The following ITGAE variants were observed in gnomAD, a reference collection of about 807,000 sequenced individuals.
The protein encoded by ITGAE is integrin alpha-E.
Under a neutral mutation model 136.5 loss-of-function variants are expected in ITGAE, and 99 were observed. That is an observed-to-expected ratio of 0.73 (90% CI 0.62 to 0.86). ITGAE has a LOEUF of 0.86. Among genes scored for constraint, ITGAE ranks in the 40% least tolerant of loss-of-function variants. The probability of loss-of-function intolerance (pLI) is 0.00; values close to 1 mark genes in which losing one functional copy is unlikely to be tolerated. For synonymous variants in ITGAE, 613 were observed against 591.8 expected, an observed-to-expected ratio of 1.04 and a Z score of -0.52; for missense variants, 1,447 against 1,515.3, an observed-to-expected ratio of 0.95 and a Z score of 0.75.
intron 1 of ITGAE, 121 bp downstream of exon 1, chr17:3,800,990 C>A (rs2053245316): frequency 8.4e-7 from 1 of 1,193,386 alleles, no homozygotes; most frequent in East Asian, 2.4e-5. Context: ...AGCTGCCACT[C>A]TCTAACCTCT....
At chr17:3,727,739 G>A (rs2051247541) in intron 26 of ITGAE, among the ~76,000 whole-genome samples, 180 bp downstream of exon 26, 1 of 152,092 alleles carries the variant, frequency 6.6e-6, no homozygotes, top group African/African-American at 2.4e-5. Flanking sequence ...AAAACTGACA[G>A]GTTGCTTTAA....
chr17:3,767,819 C>A (rs2052334660), intron 2 of ITGAE, among the ~76,000 whole-genome samples: 1 of 152,164 alleles, frequency 6.6e-6, no homozygotes, highest in African/African-American at 2.4e-5. Context: ...GAGATGAAGT[C>A]TCACTGTGTT....
intron 2 of ITGAE, among the ~76,000 whole-genome samples, chr17:3,776,003 TGTAAA>T (rs1434273449): frequency 1.3e-5 from 2 of 151,780 alleles, no homozygotes; most frequent in Non-Finnish European, 2.9e-5. Context: ...ATTTAAAAAA[TGTAAA>T]GTAATGTTTA....
At chr17:3,748,639 T>G (rs534212517) in intron 16 of ITGAE, among the ~76,000 whole-genome samples, 30 of 152,160 alleles carry the variant, frequency 2.0e-4, no homozygotes, top group African/African-American at 6.5e-4. Context: ...TGAGACTGGG[T>G]GGTCACAGAT....
chr17:3,728,677 C>CTT (rs2051273124), intron 24 of ITGAE, among the ~76,000 whole-genome samples: 1 of 150,170 alleles, frequency 6.7e-6, no homozygotes, highest in Non-Finnish European at 1.5e-5. Context: ...CTGGCCTTCT[C>CTT]TTTTTGAATG....
intron 24 of ITGAE, 69 bp downstream of exon 24, chr17:3,729,409 G>C (rs1231039240): frequency 9.4e-6 from 9 of 952,558 alleles, no homozygotes; most frequent in Middle Eastern, 2.1e-4. Context: ...CTCCATCTAC[G>C]AGAGAGAGCC....
At chr17:3,800,406 A>G (rs2053224936) in intron 1 of ITGAE, among the ~76,000 whole-genome samples, 2 of 152,092 alleles carry the variant, frequency 1.3e-5, no homozygotes, top group South Asian at 4.1e-4. Flanking sequence ...AGGCAGGACC[A>G]CCCTGGCCTC....
At chr17:3,770,932 G>C (rs567831312) in intron 2 of ITGAE, among the ~76,000 whole-genome samples, 77 of 152,258 alleles carry the variant, frequency 5.1e-4, no homozygotes, top group African/African-American at 1.8e-3. Context: ...CTAGGCAGGA[G>C]ACAGTTACAG....
chr17:3,759,764 G>T (rs2052120001), intron 7 of ITGAE, among the ~76,000 whole-genome samples: 1 of 152,210 alleles, frequency 6.6e-6, no homozygotes, highest in South Asian at 2.1e-4. Flanking sequence ...CTTCTCCCCA[G>T]CTCCCTGTGT....
At chr17:3,749,461 C>T (rs1406440990) in intron 16 of ITGAE, among the ~76,000 whole-genome samples, 1 of 152,042 alleles carries the variant, frequency 6.6e-6, no homozygotes, top group African/African-American at 2.4e-5. Flanking sequence ...ACCGTGTTAG[C>T]CAGGATGGTC....
At chr17:3,771,761 T>C (rs1463923851) in intron 2 of ITGAE, among the ~76,000 whole-genome samples, 2 of 152,142 alleles carry the variant, frequency 1.3e-5, no homozygotes, top group African/African-American at 2.4e-5. Context: ...GGTCTGGAAC[T>C]CCTGACCTCA....
rs750129134 is a variant in ITGAE, at chr17:3,723,752, G to C, written c.3085-8C>G. On this transcript the variant is annotated splice_region_variant and splice_polypyrimidine_tract_variant and intron_variant, in intron 26 of 30. Coordinates refer to ENST00000263087, the MANE Select transcript of ITGAE (RefSeq NM_002208.5). ...GGTGCACACCGTGGAGGCCTGAAAC[G>C]AGAGCCATGACCGCGACGCGCTGAA... 1.2e-6 allele frequency: 2 copies of C among 1,606,944 alleles called. No homozygotes were observed. The highest frequency in any genetic ancestry group is 1.1e-5 in the South Asian group (1 of 90,356).
At chr17:3,796,051 CTGTGTG>C (rs10598583) in intron 1 of ITGAE, among the ~76,000 whole-genome samples, 2 of 122,752 alleles carry the variant, frequency 1.6e-5, no homozygotes, top group Non-Finnish European at 3.3e-5. Context: ...GTGTGTGCAT[CTGTGTG>C]TGTGCATCCG....
In ITGAE at chr17:3,725,781, C is replaced by A. The variant is rs143259437; in HGVS notation, c.3085-2037G>T. 465 of 1,601,894 alleles carry A rather than the reference C, an allele frequency of 2.9e-4. 1 individual carries two copies. In the African/African-American group the frequency reaches 5.6e-3, roughly 19 times the overall value. ...TGGAGGGATTGACTTAGAGCAAATG[C>A]GAACCAAGTTGTCTTCCTTGGCTAC... On this transcript the variant is annotated intron_variant, in intron 26 of 30. Transcript: ENST00000263087.
chr17:3,720,322 C>T lies in ITGAE; in HGVS notation c.3318G>A (p.Glu1106=), dbSNP rs1382197178. Residue 1106 remains glutamate (E), a synonymous_variant, in exon 29 of 31, where the codon GAG becomes GAA. Coordinates refer to ENST00000263087, the MANE Select transcript of ITGAE (RefSeq NM_002208.5). ...CAGGAATTACCTTAGTTCTGTGGTT[C>T]TCTGCATTCAGTCCCTCATATAGAG... ...NKSLYEGLNA[E]NHRTKITVVF... 1.9e-6 allele frequency: 3 copies of T among 1,566,908 alleles called. No individual in the cohort carries two copies. Among genetic ancestry groups the T allele is most frequent in the Non-Finnish European group, 2.6e-6 (3 of 1,137,076 alleles).
intron 1 of ITGAE, among the ~76,000 whole-genome samples, chr17:3,790,500 C>T (rs914271410): frequency 6.2e-5 from 9 of 144,042 alleles, no homozygotes; most frequent in Non-Finnish European, 8.9e-5. Context: ...AGCAAGACTC[C>T]GTCTCAAACA....
chr17:3,751,028 T>C (rs993561881), intron 15 of ITGAE, among the ~76,000 whole-genome samples: 1 of 151,760 alleles, frequency 6.6e-6, no homozygotes, highest in Non-Finnish European at 1.5e-5. Flanking sequence ...ACGTGGGAAC[T>C]GACAGGCTGT....
intron 3 of ITGAE, among the ~76,000 whole-genome samples, chr17:3,762,746 C>T (rs954186967): frequency 1.3e-5 from 2 of 151,706 alleles, no homozygotes; most frequent in African/African-American, 2.4e-5. Flanking sequence ...TACGTGTGCC[C>T]GTCACCACAC....
At chr17:3,772,558 C>G (rs188281370) in intron 2 of ITGAE, among the ~76,000 whole-genome samples, 50 of 151,644 alleles carry the variant, frequency 3.3e-4, no homozygotes, top group Non-Finnish European at 3.1e-4. Context: ...CCGCCTCCCG[C>G]GTTCATGCCA....
Sources: allele counts gnomAD v4.1 joint callset (sites outside exome capture counted in the v4.1 genomes callset), GRCh38; gene constraint gnomAD v4.1.1; transcripts MANE v1.5; gene names NCBI Gene and HGNC (gene_info 2026-07-23, HGNC 2026-07-21).